SPOCK3: variants seen among roughly 807,000 people sequenced by gnomAD.
The protein encoded by SPOCK3 is SPARC (osteonectin), cwcv and kazal like domains proteoglycan 3, also known as testican-3.
SPOCK3 carries 30 observed loss-of-function variants against 56.6 expected under a neutral mutation model. That is an observed-to-expected ratio of 0.53 (90% CI 0.40 to 0.72). The LOEUF (loss-of-function observed/expected upper bound fraction) is 0.72, where lower values mean the gene tolerates loss of function less well. Among genes scored for constraint, SPOCK3 ranks in the 30% least tolerant of loss-of-function variants. The probability of loss-of-function intolerance (pLI) is 0.00; values close to 1 mark genes in which losing one functional copy is unlikely to be tolerated. For synonymous variants in SPOCK3, 196 were observed against 183.3 expected (o/e 1.07, Z -0.56); for missense variants, 527 against 530.0 (o/e 0.99, Z 0.06).
chr4:167,000,365 G>A lies in SPOCK3; in HGVS notation c.334C>T (p.Arg112Trp), dbSNP rs147127158. Residue 112 changes from arginine to tryptophan, a missense_variant, in exon 4 of 11, where the codon CGG (arginine) becomes TGG (tryptophan). By Grantham distance (101) the Arg-to-Trp change is moderately radical (BLOSUM62 -3). Coordinates refer to ENST00000357545, the MANE Select transcript of SPOCK3 (RefSeq NM_001040159.2). ...AATGTTTACCTGTGTGTAAGCCTCC[G>A]GTGACTAATGCAGACTGCAGTCTGA... ...DSQTAVCISH[R>W]RLTHRMKEAG... 4.8e-4 allele frequency: 755 copies of A among 1,574,558 alleles called. 1 individual carries two copies. Among genetic ancestry groups the A allele is most frequent in the Non-Finnish European group, 6.3e-4 (726 of 1,152,700 alleles).
chr4:166,890,275 T>C (rs749590660), intron 5 of SPOCK3, among the ~76,000 whole-genome samples: 1 of 151,858 alleles, frequency 6.6e-6, no homozygotes, highest in Non-Finnish European at 1.5e-5. Context: ...AATGCCTGAA[T>C]CTAAATCTTC....
chr4:166,952,691 A>C (rs1742825893), intron 4 of SPOCK3, among the ~76,000 whole-genome samples: 1 of 152,232 alleles, frequency 6.6e-6, no homozygotes, highest in Admixed American at 6.5e-5. Context: ...CGATACTACA[A>C]GGCTACAGTA....
At chr4:166,809,857 T>C (rs1046004854) in intron 6 of SPOCK3, among the ~76,000 whole-genome samples, 3 of 152,058 alleles carry the variant, frequency 2.0e-5, no homozygotes, top group Non-Finnish European at 4.4e-5. Context: ...GTGACCATGA[T>C]GGAGCAAGAC....
chr4:167,115,438 G>T (rs1456197830), intron 2 of SPOCK3, among the ~76,000 whole-genome samples: 1 of 151,820 alleles, frequency 6.6e-6, no homozygotes, highest in Non-Finnish European at 1.5e-5. Flanking sequence ...TAAAATTGAA[G>T]CATAAGATAA....
At chr4:167,225,285 A>T (rs1199793103) in intron 2 of SPOCK3, among the ~76,000 whole-genome samples, 1 of 152,154 alleles carries the variant, frequency 6.6e-6, no homozygotes, top group Non-Finnish European at 1.5e-5. Flanking sequence ...ACAAATAGAA[A>T]AATCTGCAAT....
chr4:167,223,295 C>T (rs1473086696), intron 2 of SPOCK3, among the ~76,000 whole-genome samples: 1 of 138,036 alleles, frequency 7.2e-6, no homozygotes, highest in Non-Finnish European at 1.5e-5. Context: ...TTTATATATT[C>T]ATTTATAAAT....
intron 3 of SPOCK3, among the ~76,000 whole-genome samples, chr4:167,059,668 C>T (rs1755358373): frequency 6.6e-6 from 1 of 151,746 alleles, no homozygotes; most frequent in Non-Finnish European, 1.5e-5. Context: ...ACCCAAAGGA[C>T]TATAAATCAT....
intron 2 of SPOCK3, among the ~76,000 whole-genome samples, chr4:167,172,627 T>C (rs1354201367): frequency 6.6e-6 from 1 of 152,168 alleles, no homozygotes; most frequent in Non-Finnish European, 1.5e-5. Flanking sequence ...AATCAGTTAG[T>C]TTTTATTATA....
At chr4:167,139,513 G>C (rs970073989) in intron 2 of SPOCK3, among the ~76,000 whole-genome samples, 1 of 151,898 alleles carries the variant, frequency 6.6e-6, no homozygotes, top group Non-Finnish European at 1.5e-5. Flanking sequence ...TGAACTAATA[G>C]AGCTGACATG....
At chr4:167,073,069 T>A (rs1215357216) in intron 2 of SPOCK3, among the ~76,000 whole-genome samples, 1 of 151,726 alleles carries the variant, frequency 6.6e-6, no homozygotes, top group Non-Finnish European at 1.5e-5. Flanking sequence ...TGTTTCCATA[T>A]GTGCAATAAA....
chr4:167,000,705 T>C (rs1479718559), intron 3 of SPOCK3, among the ~76,000 whole-genome samples: 1 of 152,184 alleles, frequency 6.6e-6, no homozygotes, highest in Admixed American at 6.5e-5. Context: ...GATCAGACAA[T>C]GTGTTATCAA....
chr4:167,134,022 CTTTTTTTTTTTTTT>C (rs34410893), intron 2 of SPOCK3, among the ~76,000 whole-genome samples: 1 of 80,560 alleles, frequency 1.2e-5, no homozygotes, highest in Admixed American at 1.7e-4. Flanking sequence ...ACACCTTTTT[CTTTTTTTTTTTTTT>C]TTTTTTTTTT....
chr4:166,988,733 G>A (rs1747442271), intron 4 of SPOCK3, among the ~76,000 whole-genome samples: 1 of 152,086 alleles, frequency 6.6e-6, no homozygotes, highest in Admixed American at 6.6e-5. Flanking sequence ...TACTGGTATA[G>A]CCTTTTCAAT....
intron 6 of SPOCK3, among the ~76,000 whole-genome samples, chr4:166,801,543 T>A (rs1051544489): frequency 2.0e-5 from 3 of 152,090 alleles, no homozygotes; most frequent in African/African-American, 7.3e-5. Flanking sequence ...AAATTATTAC[T>A]GTATCTTATT....
At chr4:167,111,755 A>G (rs1210907335) in intron 2 of SPOCK3, among the ~76,000 whole-genome samples, 9 of 149,726 alleles carry the variant, frequency 6.0e-5, no homozygotes, top group African/African-American at 2.2e-4. Context: ...CTAGCTTAAA[A>G]GTAGCACTTT....
intron 3 of SPOCK3, among the ~76,000 whole-genome samples, chr4:167,046,475 T>TTA (rs1398270382): frequency 1.5e-5 from 2 of 133,156 alleles, no homozygotes; most frequent in African/African-American, 2.7e-5. Flanking sequence ...TTTTTTTTTT[T>TTA]AACAAAGTCT....
At chr4:167,224,797 G>T (rs1269201006) in intron 2 of SPOCK3, among the ~76,000 whole-genome samples, 1 of 151,442 alleles carries the variant, frequency 6.6e-6, no homozygotes. Context: ...GTAGCGAGTA[G>T]CTGGGATTAC....
chr4:167,067,527 G>A (rs1181231773), intron 2 of SPOCK3, among the ~76,000 whole-genome samples: 1 of 151,676 alleles, frequency 6.6e-6, no homozygotes, highest in African/African-American at 2.4e-5. Flanking sequence ...AGTTCTGGGT[G>A]GGGTATAGAA....
intron 2 of SPOCK3, among the ~76,000 whole-genome samples, chr4:167,154,239 T>G (rs2150422667): frequency 6.6e-6 from 1 of 151,996 alleles, no homozygotes; most frequent in Non-Finnish European, 1.5e-5. Context: ...CACACAATGT[T>G]TATGAACACT....
Sources: allele counts gnomAD v4.1 joint callset (sites outside exome capture counted in the v4.1 genomes callset), GRCh38; gene constraint gnomAD v4.1.1; transcripts MANE v1.5; gene names NCBI Gene and HGNC (gene_info 2026-07-23, HGNC 2026-07-21).